The following MTMR7 variants were observed in gnomAD, a reference collection of about 807,000 sequenced individuals.
MTMR7 encodes the protein myotubularin related protein 7, also known as phosphatidylinositol-3-phosphate phosphatase MTMR7.
MTMR7 carries 76 observed loss-of-function variants against 81.2 expected under a neutral mutation model. The ratio of observed to expected loss-of-function variants is 0.94; its 90% CI spans 0.78 to 1.13. The LOEUF (loss-of-function observed/expected upper bound fraction) is 1.13, where lower values mean the gene tolerates loss of function less well. MTMR7 is among the 50% of genes most tolerant of loss of function. The pLI is 0.00. For synonymous variants in MTMR7, 372 were observed against 289.8 expected, an observed-to-expected ratio of 1.28 and a Z score of -2.88; for missense variants, 1,044 against 820.0, an observed-to-expected ratio of 1.27 and a Z score of -3.34.
At position 17,298,629 on chromosome 8, in the gene MTMR7, T is replaced by C. The variant is rs1350933575; in HGVS notation, c.*1233A>G. The C allele has an allele frequency of 6.6e-6, 1 of 152,590 alleles. No individual in the cohort carries two copies. Among genetic ancestry groups the C allele is most frequent in the Non-Finnish European group, 1.5e-5 (1 of 67,978 alleles). 9.5% of individuals were successfully genotyped at this position (152,590 alleles called of 1,614,324 possible). A position where few individuals can be genotyped will look rare whatever the true frequency, so the allele number is the denominator to read the frequency against. ...CACATATTCAAAATATTGATCTAAA[T>C]TGTAAAGTTTAATCCTTTTACATTC... is the stretch of plus-strand genomic sequence containing the variant. On this transcript the variant is annotated 3_prime_UTR_variant, in exon 14 of 14. Coordinates refer to ENST00000180173, the MANE Select transcript of MTMR7 (RefSeq NM_004686.5).
chr8:17,333,359 A>C (rs1443233674), intron 6 of MTMR7, among the ~76,000 whole-genome samples: 1 of 152,250 alleles, frequency 6.6e-6, no homozygotes, highest in Non-Finnish European at 1.5e-5. Flanking sequence ...TCCAAAACTA[A>C]TAAAATATCA....
chr8:17,379,092 T>C (rs73208987), intron 1 of MTMR7, among the ~76,000 whole-genome samples: 12,015 of 152,106 alleles, frequency 0.079, 583 homozygotes, highest in African/African-American at 0.12. Flanking sequence ...ATAGCAGAGA[T>C]AATATTTTAA....
intron 1 of MTMR7, among the ~76,000 whole-genome samples, chr8:17,412,148 C>A (rs1223161582): frequency 1.3e-5 from 2 of 152,210 alleles, no homozygotes; most frequent in Non-Finnish European, 2.9e-5. Flanking sequence ...CATTCTCCAG[C>A]AAACTAAAAG....
At position 17,301,860 on chromosome 8, in the gene MTMR7, A is replaced by G. The variant is rs1432500971; in HGVS notation, c.1620+294T>C. 24 of 411,390 alleles carry G rather than the reference A, an allele frequency of 5.8e-5. No homozygotes were observed. The East Asian group carries it at 7.3e-4, about 13-fold the overall frequency. The allele number at this position is 411,390 out of a possible 1,614,324, so 25.5% of individuals were successfully genotyped here. On this transcript the variant is annotated intron_variant, in intron 13 of 13. Coordinates refer to ENST00000180173, the MANE Select transcript of MTMR7 (RefSeq NM_004686.5). The stretch of plus-strand genomic sequence containing the variant: ...TGTTACTTTTTCACACTTTCCAGAA[A>G]AAAATTAATTTTACTACTCTCAAAT...
chr8:17,391,431 G>T (rs7816780), intron 1 of MTMR7, among the ~76,000 whole-genome samples: 142,072 of 152,234 alleles, frequency 0.93, 66,550 homozygotes, highest in South Asian at 0.96. Context: ...TTTACTACAC[G>T]GTAAGTTCCA....
At chr8:17,303,159 C>G (rs562121191) in intron 12 of MTMR7, among the ~76,000 whole-genome samples, 1 of 152,162 alleles carries the variant, frequency 6.6e-6, no homozygotes, top group Non-Finnish European at 1.5e-5. Context: ...ATTGTTTTAT[C>G]TGCAGTGCCC....
rs77115891 is a variant in MTMR7 at position 17,382,562 on chromosome 8, T to C, written c.25-9322A>G. Among the ~76,000 whole-genome samples, 898 of 152,308 alleles carry C rather than the reference T, an allele frequency of 5.9e-3. 12 individuals carry two copies. The highest frequency in any genetic ancestry group is 0.021 in the African/African-American group (856 of 41,566). ...TTTATTTTAAAATCTATTTAGCACATCCATCCGTCCATCCATCTTCTTTTC... is the reference window on the plus strand; with the variant it reads ...TTTATTTTAAAATCTATTTAGCACACCCATCCGTCCATCCATCTTCTTTTC... On this transcript the variant is annotated intron_variant, in intron 1 of 13. Coordinates refer to ENST00000180173, the MANE Select transcript of MTMR7 (RefSeq NM_004686.5).
chr8:17,320,094 CG>C (rs1563329571), intron 7 of MTMR7, among the ~76,000 whole-genome samples: 1 of 151,614 alleles, frequency 6.6e-6, no homozygotes, highest in Non-Finnish European at 1.5e-5. Context: ...TTGGGATAGA[CG>C]GGGTTAAATA....
At chr8:17,352,668 C>A (rs995918937) in intron 4 of MTMR7, among the ~76,000 whole-genome samples, 1 of 152,150 alleles carries the variant, frequency 6.6e-6, no homozygotes, top group African/African-American at 2.4e-5. Context: ...AAGCAACCTA[C>A]AGAATGTGAG....
intron 9 of MTMR7, among the ~76,000 whole-genome samples, chr8:17,310,700 C>G (rs997010074): frequency 6.6e-6 from 1 of 152,184 alleles, no homozygotes; most frequent in Non-Finnish European, 1.5e-5. Flanking sequence ...AGGGAGCCTG[C>G]CTCTTCGCTC....
intron 1 of MTMR7, among the ~76,000 whole-genome samples, chr8:17,412,370 A>T (rs1469951224): frequency 1.4e-4 from 22 of 152,214 alleles, no homozygotes; most frequent in Non-Finnish European, 7.3e-5. Context: ...ATGGAAGTTC[A>T]TCCTGCAAAA....
At chr8:17,368,628 C>G (rs1216682568) in intron 3 of MTMR7, among the ~76,000 whole-genome samples, 2 of 152,178 alleles carry the variant, frequency 1.3e-5, no homozygotes. Flanking sequence ...CCTCCAGAGT[C>G]AAAGTCCTGC....
chr8:17,334,874 G>C (rs1482773765), intron 6 of MTMR7, among the ~76,000 whole-genome samples: 1 of 152,192 alleles, frequency 6.6e-6, no homozygotes. Context: ...GAAAGCTAGA[G>C]CTGGACTTTA....
intron 1 of MTMR7, among the ~76,000 whole-genome samples, chr8:17,399,339 T>C (rs1821354943): frequency 6.6e-6 from 1 of 152,034 alleles, no homozygotes; most frequent in Non-Finnish European, 1.5e-5. Context: ...ATGCCAACAG[T>C]GAACAATGTG....
intron 4 of MTMR7, 144 bp from the exon 5 acceptor site, chr8:17,349,225 T>A: frequency 1.1e-6 from 1 of 904,608 alleles, no homozygotes; most frequent in Non-Finnish European, 1.7e-6. Flanking sequence ...TCGAGGAAAC[T>A]CAAAGCCACT....
Position 17,304,517 on chromosome 8 carries a change from A to T in MTMR7, c.1355T>A (p.Ile452Asn), listed in dbSNP as rs1431095650. ...NSQKERRELK[I>N]QERTYSLWAH... Reference sequence around the variant, plus strand: ...CCATAATGAGTATGTTCTTTCTTGAATCCTGTTATAAAGAAAATAAGTCTA... The same window carrying T: ...CCATAATGAGTATGTTCTTTCTTGATTCCTGTTATAAAGAAAATAAGTCTA... The change falls in exon 12 of 14, where the codon ATT becomes AAT. Residue 452 changes from isoleucine to asparagine, a missense_variant and splice_region_variant. Ile to Asn is a moderately radical substitution (Grantham distance 149, BLOSUM62 -3). Transcript: ENST00000180173. 6 of 1,612,906 alleles carry T rather than the reference A, an allele frequency of 3.7e-6. No individual in the cohort carries two copies. Among genetic ancestry groups the T allele is most frequent in the Non-Finnish European group, 5.1e-6 (6 of 1,179,208 alleles).
chr8:17,407,589 C>G (rs1821624911), intron 1 of MTMR7, among the ~76,000 whole-genome samples: 1 of 146,386 alleles, frequency 6.8e-6, no homozygotes, highest in African/African-American at 2.5e-5. Context: ...AATGACATTT[C>G]CATAGGATTA....
chr8:17,363,098 C>G lies in MTMR7; in HGVS notation c.311-1824G>C, dbSNP rs114722074. Among the ~76,000 whole-genome samples the G allele has an allele frequency of 5.5e-3, 834 of 152,356 alleles. 8 individuals carry two copies. Among genetic ancestry groups the G allele is most frequent in the African/African-American group, 0.019 (772 of 41,586 alleles). ...ACGCACATCCAGGCGTGCTCACACACAAACCAGAGCAGACGCGTTCCGTAA... is the reference window on the plus strand; with the variant it reads ...ACGCACATCCAGGCGTGCTCACACAGAAACCAGAGCAGACGCGTTCCGTAA... On this transcript the variant is annotated intron_variant, in intron 3 of 13. Coordinates refer to ENST00000180173, the MANE Select transcript of MTMR7 (RefSeq NM_004686.5).
chr8:17,343,792 G>C (rs996301069), intron 5 of MTMR7, among the ~76,000 whole-genome samples: 1 of 152,142 alleles, frequency 6.6e-6, no homozygotes, highest in South Asian at 2.1e-4. Context: ...ATTTTTCATT[G>C]AATCAGTAAT....
Sources: gnomAD v4.1 joint callset for allele counts (sites outside exome capture counted in the v4.1 genomes callset) on GRCh38, gnomAD v4.1.1 for gene constraint, MANE v1.5 for transcripts, NCBI Gene and HGNC (gene_info 2026-07-23, HGNC 2026-07-21) for gene names.